Variants in PBX3 observed in about 807,000 individuals in gnomAD.
The protein encoded by PBX3 is PBX homeobox 3.
A neutral mutation model predicts 48.5 loss-of-function variants in PBX3; 14 were observed. That is an observed-to-expected ratio of 0.29 (90% CI 0.19 to 0.45). The LOEUF is 0.45. PBX3 is among the 20% of genes least tolerant of loss of function. The pLI, the probability that PBX3 is intolerant of heterozygous loss-of-function variation, is 1.00. For synonymous variants in PBX3, 210 were observed against 200.3 expected, an observed-to-expected ratio of 1.05 and a Z score of -0.41; for missense variants, 386 against 546.7, an observed-to-expected ratio of 0.71 and a Z score of 2.93.
At chr9:125,796,865 C>A (rs1837797590) in intron 2 of PBX3, among the ~76,000 whole-genome samples, 2 of 151,526 alleles carry the variant, frequency 1.3e-5, no homozygotes, top group Admixed American at 6.6e-5. Context: ...TATGGACGTA[C>A]ACACACACAC....
chr9:125,846,107 G>A (rs1285764752), intron 2 of PBX3, among the ~76,000 whole-genome samples: 1 of 151,818 alleles, frequency 6.6e-6, no homozygotes. Flanking sequence ...GAGGAAGGAG[G>A]ATCCAAACAA....
rs1196062828 is a variant in PBX3, at chr9:125,749,807, C to A, written c.274+1184C>A. Among the ~76,000 whole-genome samples, 5 of 152,178 alleles carry A rather than the reference C, an allele frequency of 3.3e-5. No individual in the cohort carries two copies. The East Asian group carries it at 9.6e-4, about 29-fold the overall frequency. On this transcript the variant is annotated intron_variant, in intron 2 of 8. Transcript: ENST00000373489. Reference sequence around the variant, plus strand: ...TTTCGCTTTGCAATACTATTCTGATCCTAAAAGTAATCAAGAAAAGATGAT... The same window carrying A: ...TTTCGCTTTGCAATACTATTCTGATACTAAAAGTAATCAAGAAAAGATGAT...
intron 2 of PBX3, among the ~76,000 whole-genome samples, chr9:125,830,602 C>T (rs1208325425): frequency 6.6e-6 from 1 of 152,058 alleles, no homozygotes; most frequent in South Asian, 2.1e-4. Flanking sequence ...ATCATATCCT[C>T]TATAATAGTA....
chr9:125,944,843 C>G (rs547820048), intron 5 of PBX3, among the ~76,000 whole-genome samples: 191 of 152,294 alleles, frequency 1.3e-3, no homozygotes, highest in Middle Eastern at 6.8e-3. Flanking sequence ...ACCCCAACTC[C>G]TCCCCAGTTT....
chr9:125,939,695 G>A (rs1338690437), intron 5 of PBX3, among the ~76,000 whole-genome samples: 1 of 152,110 alleles, frequency 6.6e-6, no homozygotes, highest in African/African-American at 2.4e-5. Context: ...CTGGAGAAAT[G>A]GATAAATATG....
intron 2 of PBX3, among the ~76,000 whole-genome samples, chr9:125,876,135 T>A (rs1417077387): frequency 6.6e-6 from 1 of 152,256 alleles, no homozygotes; most frequent in Non-Finnish European, 1.5e-5. Flanking sequence ...TTAACTAATA[T>A]GCTGTGTGCT....
chr9:125,811,238 T>C (rs1370620000), intron 2 of PBX3, among the ~76,000 whole-genome samples: 2 of 152,232 alleles, frequency 1.3e-5, no homozygotes, highest in Non-Finnish European at 2.9e-5. Flanking sequence ...CTTGGGCAGC[T>C]GTAACAATAT....
chr9:125,850,391 G>C (rs1377112596), intron 2 of PBX3, among the ~76,000 whole-genome samples: 4 of 151,986 alleles, frequency 2.6e-5, no homozygotes, highest in Non-Finnish European at 5.9e-5. Flanking sequence ...TAGTATCTAG[G>C]TACACTGGAA....
chr9:125,821,157 G>A (rs10986952), intron 2 of PBX3, among the ~76,000 whole-genome samples: 8,993 of 151,904 alleles, frequency 0.059, 611 homozygotes, highest in East Asian at 0.17. Flanking sequence ...TTTTCTTTTC[G>A]TTACCAATAA....
intron 5 of PBX3, among the ~76,000 whole-genome samples, chr9:125,955,045 G>C (rs1842272989): frequency 6.6e-6 from 1 of 152,056 alleles, no homozygotes; most frequent in Non-Finnish European, 1.5e-5. Flanking sequence ...TGTGTGAGAG[G>C]GTCCATGATT....
At chr9:125,913,488 A>G (rs926195327) in intron 2 of PBX3, among the ~76,000 whole-genome samples, 1 of 152,150 alleles carries the variant, frequency 6.6e-6, no homozygotes, top group Non-Finnish European at 1.5e-5. Flanking sequence ...ATTTATATAC[A>G]TATGTATAAA....
At chr9:125,785,987 C>T (rs1484782504) in intron 2 of PBX3, among the ~76,000 whole-genome samples, 1 of 150,336 alleles carries the variant, frequency 6.7e-6, no homozygotes, top group Non-Finnish European at 1.5e-5. Context: ...TGCTGTAAAC[C>T]TTTGACTATT....
intron 2 of PBX3, among the ~76,000 whole-genome samples, chr9:125,756,200 G>A (rs1359321704): frequency 2.6e-5 from 4 of 152,114 alleles, no homozygotes; most frequent in Non-Finnish European, 1.5e-5. Context: ...TTATATTTCA[G>A]CATATATCTT....
At chr9:125,772,053 C>G (rs141797957) in intron 2 of PBX3, among the ~76,000 whole-genome samples, 3 of 152,146 alleles carry the variant, frequency 2.0e-5, no homozygotes, top group African/African-American at 7.2e-5. Context: ...GAATATTAAC[C>G]TCTTAGTACA....
chr9:125,807,155 T>G (rs1417024112), intron 2 of PBX3, among the ~76,000 whole-genome samples: 1 of 152,142 alleles, frequency 6.6e-6, no homozygotes, highest in African/African-American at 2.4e-5. Context: ...CAACCCCATC[T>G]CTAGTAAAAA....
At chr9:125,957,411 G>A (rs900857828) in intron 5 of PBX3, among the ~76,000 whole-genome samples, 1 of 152,198 alleles carries the variant, frequency 6.6e-6, no homozygotes, top group Non-Finnish European at 1.5e-5. Context: ...ACGATCTGAT[G>A]TCAAGCAAAT....
chr9:125,870,931 A>G (rs1050004617), intron 2 of PBX3, among the ~76,000 whole-genome samples: 17 of 152,322 alleles, frequency 1.1e-4, no homozygotes, highest in Middle Eastern at 3.4e-3. Flanking sequence ...GTGGGTATAT[A>G]AATTGAATAA....
chr9:125,943,931 A>G (rs1842015272), intron 5 of PBX3, among the ~76,000 whole-genome samples: 2 of 152,242 alleles, frequency 1.3e-5, no homozygotes, highest in African/African-American at 4.8e-5. Flanking sequence ...TGCAGGAGTC[A>G]GGGGAACAAA....
intron 2 of PBX3, among the ~76,000 whole-genome samples, 186 bp from the exon 3 acceptor site, chr9:125,915,500 C>G (rs767892688): frequency 2.0e-5 from 3 of 152,078 alleles, no homozygotes; most frequent in South Asian, 2.1e-4. Context: ...CATGTAAACA[C>G]TATCTTAAAA....
Sources: allele counts gnomAD v4.1 joint callset (sites outside exome capture counted in the v4.1 genomes callset), GRCh38; gene constraint gnomAD v4.1.1; transcripts MANE v1.5; gene names NCBI Gene and HGNC (gene_info 2026-07-23, HGNC 2026-07-21).